EPDR1: variants seen among roughly 807,000 people sequenced by gnomAD.
The protein encoded by EPDR1 is mammalian ependymin-related protein 1.
In EPDR1, 27 loss-of-function variants were observed where a neutral mutation model predicts 23.7. The observed-to-expected ratio is 1.14, with a 90% CI of 0.84 to 1.57. The LOEUF (loss-of-function observed/expected upper bound fraction) is 1.57. Among genes scored for constraint, EPDR1 ranks in the 40% most tolerant of loss-of-function variants. The probability of loss-of-function intolerance (pLI) is 0.00; values close to 1 mark genes in which losing one functional copy is unlikely to be tolerated. For missense variants in EPDR1, 349 were observed against 290.4 expected (o/e 1.20, Z -1.47); for synonymous variants, 137 against 118.2 (o/e 1.16, Z -1.03).
intron 1 of EPDR1, among the ~76,000 whole-genome samples, chr7:37,936,714 C>T (rs1416379886): frequency 6.6e-6 from 1 of 152,048 alleles, no homozygotes; most frequent in Non-Finnish European, 1.5e-5. Flanking sequence ...TCATTTAAAA[C>T]AGCAACAGTG....
At position 37,951,829 on chromosome 7, in the gene EPDR1, T is replaced by C. The variant is rs1786413551; in HGVS notation, c.*1433T>C. The C allele has an allele frequency of 2.3e-5, 1 of 43,848 alleles. No individual in the cohort carries two copies. Among genetic ancestry groups the C allele is most frequent in the African/African-American group, 4.5e-5 (1 of 22,448 alleles). The allele number at this position is 43,848 out of a possible 1,614,324, so 2.7% of individuals were successfully genotyped here. On this transcript the variant is annotated 3_prime_UTR_variant, in exon 3 of 3. Transcript: ENST00000199448. Reference sequence around the variant, plus strand: ...CTATATTAAACAAATTTAATTGCATTTTAAAGCATTCTTTGATACTGTTGC... The same window carrying C: ...CTATATTAAACAAATTTAATTGCATCTTAAAGCATTCTTTGATACTGTTGC...
chr7:37,948,116 G>A (rs1228569308), intron 1 of EPDR1, among the ~76,000 whole-genome samples: 1 of 152,162 alleles, frequency 6.6e-6, no homozygotes, highest in African/African-American at 2.4e-5. Flanking sequence ...GTGTGTTCTT[G>A]TCCTATGTTC....
At chr7:37,946,292 T>C (rs1786273280) in intron 1 of EPDR1, among the ~76,000 whole-genome samples, 1 of 152,212 alleles carries the variant, frequency 6.6e-6, no homozygotes, top group East Asian at 1.9e-4. Flanking sequence ...TTCTAGGTCT[T>C]TGAGGAATTG....
intron 1 of EPDR1, among the ~76,000 whole-genome samples, chr7:37,934,444 T>A (rs77542122): frequency 5.6e-4 from 51 of 91,272 alleles, no homozygotes; most frequent in Non-Finnish European, 7.8e-4. Context: ...GACTCTCCTC[T>A]TTTTTTTTTT....
At chr7:37,932,967 T>C (rs1210056038) in intron 1 of EPDR1, among the ~76,000 whole-genome samples, 1 of 152,226 alleles carries the variant, frequency 6.6e-6, no homozygotes, top group Non-Finnish European at 1.5e-5. Flanking sequence ...CCTTACAGCT[T>C]CTTAAATGGC....
At chr7:37,936,924 T>C (rs570119117) in intron 1 of EPDR1, among the ~76,000 whole-genome samples, 2 of 152,158 alleles carry the variant, frequency 1.3e-5, no homozygotes, top group African/African-American at 2.4e-5. Context: ...AAATTTCATA[T>C]GGAAAAATTA....
intron 1 of EPDR1, among the ~76,000 whole-genome samples, chr7:37,941,824 T>G (rs1446214799): frequency 6.6e-6 from 1 of 152,170 alleles, no homozygotes; most frequent in Non-Finnish European, 1.5e-5. Flanking sequence ...GGGAATGAAT[T>G]TTTATTTCTA....
chr7:37,944,437 G>A (rs1257446858), intron 1 of EPDR1, among the ~76,000 whole-genome samples: 2 of 152,196 alleles, frequency 1.3e-5, no homozygotes, highest in African/African-American at 4.8e-5. Flanking sequence ...AGAATGACAT[G>A]TATGACAAAT....
intron 1 of EPDR1, among the ~76,000 whole-genome samples, chr7:37,932,891 G>A (rs1395559771): frequency 6.6e-6 from 1 of 152,302 alleles, no homozygotes; most frequent in African/African-American, 2.4e-5. Context: ...GGGAAAAAAA[G>A]CTCTTCAATT....
chr7:37,934,175 A>G (rs1277275979), intron 1 of EPDR1, among the ~76,000 whole-genome samples: 1 of 152,040 alleles, frequency 6.6e-6, no homozygotes, highest in Non-Finnish European at 1.5e-5. Context: ...ACGGAGTTTC[A>G]CTGTGTTAGC....
At chr7:37,944,572 G>T (rs1786235012) in intron 1 of EPDR1, among the ~76,000 whole-genome samples, 1 of 152,168 alleles carries the variant, frequency 6.6e-6, no homozygotes, top group Non-Finnish European at 1.5e-5. Context: ...AAGAGCAAAG[G>T]GACTTCTTAC....
At chr7:37,923,206 T>TGTGGAAGCAAAA (rs1785744865) in intron 1 of EPDR1, among the ~76,000 whole-genome samples, 1 of 152,170 alleles carries the variant, frequency 6.6e-6, no homozygotes, top group Non-Finnish European at 1.5e-5. Context: ...AATGGAGCCA[T>TGTGGAAGCAAAA]GTGGAGCAAA....
intron 1 of EPDR1, among the ~76,000 whole-genome samples, chr7:37,925,363 T>C (rs17171212): frequency 0.25 from 38,456 of 152,118 alleles, 4,882 homozygotes; most frequent in African/African-American, 0.29. Flanking sequence ...TAAAACAATA[T>C]GCACAGTCTG....
chr7:37,935,791 G>A (rs552304272), intron 1 of EPDR1, among the ~76,000 whole-genome samples: 6 of 150,752 alleles, frequency 4.0e-5, no homozygotes, highest in Admixed American at 1.3e-4. Flanking sequence ...GGGTGGGGAG[G>A]TGGGACAGTT....
intron 1 of EPDR1, 45 bp from the exon 2 acceptor site, chr7:37,948,794 AT>A (rs1304019961): frequency 6.6e-7 from 1 of 1,504,442 alleles, no homozygotes; most frequent in East Asian, 2.3e-5. Context: ...AGGCACGAGG[AT>A]GGTAACATGA....
At position 37,951,126 on chromosome 7, in the gene EPDR1, T is replaced by C. The variant is rs1786398286; in HGVS notation, c.*730T>C. On this transcript the variant is annotated 3_prime_UTR_variant, in exon 3 of 3. Transcript: ENST00000199448. The stretch of plus-strand genomic sequence containing the variant: ...GCCATGTAAGCTTCTTTTTTTTCTA[T>C]GCAAGAGTATTGATGTATGTGCTGA... The C allele has an allele frequency of 6.6e-6, 1 of 152,234 alleles. No individual in the cohort carries two copies. Among genetic ancestry groups the C allele is most frequent in the Non-Finnish European group, 1.5e-5 (1 of 68,040 alleles). 9.4% of individuals were successfully genotyped at this position (152,234 alleles called of 1,614,324 possible).
chr7:37,943,749 G>C (rs888901704), intron 1 of EPDR1, among the ~76,000 whole-genome samples: 7 of 152,108 alleles, frequency 4.6e-5, no homozygotes, highest in African/African-American at 1.7e-4. Flanking sequence ...ACACCAAAAC[G>C]AACACTTGTG....
intron 1 of EPDR1, among the ~76,000 whole-genome samples, chr7:37,930,724 G>A (rs1785920400): frequency 6.6e-6 from 1 of 152,204 alleles, no homozygotes; most frequent in Non-Finnish European, 1.5e-5. Flanking sequence ...TCGGACATCA[G>A]AACACAGTTC....
At chr7:37,935,672 GT>G (rs535321483) in intron 1 of EPDR1, among the ~76,000 whole-genome samples, 115 of 151,204 alleles carry the variant, frequency 7.6e-4, no homozygotes, top group African/African-American at 2.3e-3. Flanking sequence ...AAACTAGAAA[GT>G]TTTTTTTCCC....
Sources: allele counts gnomAD v4.1 joint callset (sites outside exome capture counted in the v4.1 genomes callset), GRCh38; gene constraint gnomAD v4.1.1; transcripts MANE v1.5; gene names NCBI Gene and HGNC (gene_info 2026-07-23, HGNC 2026-07-21).